DRC10: variants seen among roughly 807,000 people sequenced by gnomAD.
DRC10 encodes the protein IQ domain-containing protein D.
chr12:113,204,544 C>T, the DRC10 span, among the ~76,000 whole-genome samples: 1 of 152,260 alleles, frequency 6.6e-6, no homozygotes, highest in South Asian at 2.1e-4. Context: ...TGCTTTTCCC[C>T]TATAACAGCA....
At chr12:113,220,403 G>T in the DRC10 span, among the ~76,000 whole-genome samples, 5 of 151,974 alleles carry the variant, frequency 3.3e-5, no homozygotes, top group African/African-American at 1.2e-4. Flanking sequence ...TTACAGGTGC[G>T]CCTCCATGCT....
the DRC10 span, chr12:113,200,735 C>G: frequency 1.4e-5 from 21 of 1,536,050 alleles, no homozygotes; most frequent in African/African-American, 2.7e-4. Context: ...TTAGTGCGAA[C>G]GAGGCTGTTC....
the DRC10 span, chr12:113,195,741 T>A: frequency 1.2e-6 from 2 of 1,613,986 alleles, no homozygotes; most frequent in Non-Finnish European, 1.7e-6. Context: ...CACCATCTCC[T>A]GCTCTGCCTC....
At chr12:113,219,462 G>A in the DRC10 span, among the ~76,000 whole-genome samples, 1 of 152,114 alleles carries the variant, frequency 6.6e-6, no homozygotes, top group Non-Finnish European at 1.5e-5. Context: ...ATGATACTTG[G>A]TATTGTCTTT....
the DRC10 span, chr12:113,220,922 G>T: frequency 3.6e-6 from 1 of 277,618 alleles, no homozygotes; most frequent in East Asian, 8.3e-5. Flanking sequence ...ATTCCTCAGG[G>T]AGCCAAAGGA....
the DRC10 span, among the ~76,000 whole-genome samples, chr12:113,198,092 C>G: frequency 1.4e-4 from 22 of 152,196 alleles, no homozygotes; most frequent in Non-Finnish European, 3.1e-4. Context: ...TGATGCACAC[C>G]TGTAATCTCA....
At chr12:113,200,915 G>T in the DRC10 span, 1 of 765,214 alleles carries the variant, frequency 1.3e-6, no homozygotes, top group Non-Finnish European at 2.0e-6. Flanking sequence ...GAGGTGGGTG[G>T]GTCACCTGAG....
the DRC10 span, chr12:113,200,265 T>A: frequency 1.9e-6 from 1 of 515,582 alleles, no homozygotes; most frequent in African/African-American, 1.9e-5. Flanking sequence ...GTGGGTATTA[T>A]CCCTGTGGGG....
At chr12:113,209,361 C>G in the DRC10 span, among the ~76,000 whole-genome samples, 1 of 152,142 alleles carries the variant, frequency 6.6e-6, no homozygotes, top group Non-Finnish European at 1.5e-5. Flanking sequence ...AAATCCAAAT[C>G]CAAATCCAAA....
At chr12:113,197,692 C>A in the DRC10 span, 1 of 894,610 alleles carries the variant, frequency 1.1e-6, no homozygotes, top group Non-Finnish European at 1.8e-6. Flanking sequence ...CATCACTAGG[C>A]TCTGGCAGGT....
At chr12:113,208,300 C>A in the DRC10 span, 1 of 1,443,098 alleles carries the variant, frequency 6.9e-7, no homozygotes, top group Non-Finnish European at 9.1e-7. Context: ...GCTGTGCTGA[C>A]ATCTGTGTGG....
chr12:113,197,612 T>C, the DRC10 span: 3 of 1,519,016 alleles, frequency 2.0e-6, no homozygotes, highest in Non-Finnish European at 2.7e-6. Context: ...TTATATTTCT[T>C]CTAGAAAAGA....
chr12:113,196,066 C>T, the DRC10 span, among the ~76,000 whole-genome samples: 15 of 152,182 alleles, frequency 9.9e-5, no homozygotes, highest in African/African-American at 3.6e-4. Flanking sequence ...GGGCTCCATC[C>T]TAGCTCTAGG....
At chr12:113,200,461 G>A in the DRC10 span, 3 of 849,320 alleles carry the variant, frequency 3.5e-6, no homozygotes, top group South Asian at 4.3e-5. Flanking sequence ...CACTTCCTGA[G>A]TAGCTGGTGC....
chr12:113,215,515 TC>T, the DRC10 span, among the ~76,000 whole-genome samples: 89 of 152,330 alleles, frequency 5.8e-4, 1 homozygote, highest in Middle Eastern at 0.01. Context: ...CAGTTTTTAC[TC>T]CTTTTTACTA....
chr12:113,195,902 G>A, the DRC10 span: 6 of 1,587,126 alleles, frequency 3.8e-6, no homozygotes, highest in Non-Finnish European at 5.1e-6. Context: ...GGGGTGAGGG[G>A]TGGGGCTGGG....
chr12:113,214,256 T>TCCAG, the DRC10 span, among the ~76,000 whole-genome samples: 1 of 151,578 alleles, frequency 6.6e-6, no homozygotes, highest in African/African-American at 2.4e-5. Flanking sequence ...CACCTGTAAT[T>TCCAG]CCAGCACTGT....
At chr12:113,218,522 G>C in the DRC10 span, among the ~76,000 whole-genome samples, 1 of 151,908 alleles carries the variant, frequency 6.6e-6, no homozygotes, top group South Asian at 2.1e-4. Context: ...GATTACTGTA[G>C]CCTTGACCTC....
the DRC10 span, among the ~76,000 whole-genome samples, chr12:113,205,902 C>CAA: frequency 1.7e-3 from 81 of 47,484 alleles, no homozygotes; most frequent in East Asian, 2.7e-3. Flanking sequence ...GACTCCGTCT[C>CAA]AAAAAAAAAA....
Sources: allele counts gnomAD v4.1 joint callset (sites outside exome capture counted in the v4.1 genomes callset), GRCh38; gene constraint gnomAD v4.1.1; transcripts MANE v1.5; gene names NCBI Gene and HGNC (gene_info 2026-07-23, HGNC 2026-07-21).